The following CSMD1 variants were observed in gnomAD, a reference collection of about 807,000 sequenced individuals.
CSMD1 encodes CUB and sushi domain-containing protein 1.
CSMD1 carries 213 observed loss-of-function variants against 417.5 expected under a neutral mutation model. The observed-to-expected ratio is 0.51, with a 90% CI of 0.46 to 0.57. The LOEUF is 0.57. CSMD1 is among the 20% of genes least tolerant of loss of function. CSMD1 has a pLI of 0.00. For synonymous variants in CSMD1, 2,862 were observed against 1,736.8 expected (o/e 1.65, Z -16.11); for missense variants, 6,923 against 4,529.7 (o/e 1.53, Z -15.17).
intron 10 of CSMD1, among the ~76,000 whole-genome samples, chr8:3,569,345 C>T (rs943581738): frequency 1.3e-5 from 2 of 152,090 alleles, no homozygotes; most frequent in African/African-American, 4.8e-5. Context: ...AGGAGTTTTA[C>T]ATAAATACTT....
chr8:2,980,794 AC>A (rs1805340951), intron 54 of CSMD1, among the ~76,000 whole-genome samples: 1 of 152,234 alleles, frequency 6.6e-6, no homozygotes, highest in East Asian at 1.9e-4. Context: ...TTGCAACCTT[AC>A]ATTGCATTAG....
At chr8:3,305,634 C>T (rs74304347) in intron 25 of CSMD1, among the ~76,000 whole-genome samples, 5,558 of 152,054 alleles carry the variant, frequency 0.037, 231 homozygotes, top group Admixed American at 0.11. Flanking sequence ...CTTGGACTTC[C>T]CATCCTCCAG....
At chr8:3,683,243 A>T (rs1174054216) in intron 7 of CSMD1, among the ~76,000 whole-genome samples, 7 of 151,730 alleles carry the variant, frequency 4.6e-5, no homozygotes, top group Admixed American at 4.6e-4. Context: ...ATAAAAAATA[A>T]ATAAAAAAAT....
intron 10 of CSMD1, among the ~76,000 whole-genome samples, chr8:3,496,811 C>G (rs908642866): frequency 6.6e-6 from 1 of 152,120 alleles, no homozygotes; most frequent in Non-Finnish European, 1.5e-5. Context: ...ACCTGGGCAA[C>G]AGAGTGAGAC....
intron 3 of CSMD1, among the ~76,000 whole-genome samples, chr8:4,218,765 G>C (rs998654897): frequency 6.6e-6 from 1 of 152,124 alleles, no homozygotes; most frequent in African/African-American, 2.4e-5. Flanking sequence ...TCAGTCTCTT[G>C]ATTTGGTCCT....
intron 1 of CSMD1, among the ~76,000 whole-genome samples, chr8:4,780,414 G>A (rs896945956): frequency 3.5e-5 from 5 of 142,560 alleles, no homozygotes; most frequent in Admixed American, 6.9e-5. Flanking sequence ...TTGATCAGTC[G>A]ATCTGTCTGT....
chr8:3,255,969 G>A (rs1460711455), intron 26 of CSMD1, among the ~76,000 whole-genome samples: 1 of 152,162 alleles, frequency 6.6e-6, no homozygotes, highest in African/African-American at 2.4e-5. Context: ...CATGCTGGGA[G>A]CTGTAGACTG....
In CSMD1 at chr8:3,616,656, T is replaced by G. The variant is rs980649212; in HGVS notation, c.1097+54A>C. Reference sequence around the variant, plus strand: ...AGTTAAATTTAACTGCAAGCTGAAATAATATATGTCTTAAAAATAACATGC... The same window carrying G: ...AGTTAAATTTAACTGCAAGCTGAAAGAATATATGTCTTAAAAATAACATGC... On this transcript the variant is annotated intron_variant, in intron 8 of 69. Coordinates refer to ENST00000635120, the MANE Select transcript of CSMD1 (RefSeq NM_033225.6). The G allele has an allele frequency of 5.2e-6, 6 of 1,156,196 alleles. No homozygotes were observed. In the South Asian group the frequency reaches 6.6e-5, roughly 13 times the overall value. 71.6% of individuals were successfully genotyped at this position (1,156,196 alleles called of 1,614,324 possible).
At chr8:4,371,556 A>C (rs2128913120) in intron 3 of CSMD1, among the ~76,000 whole-genome samples, 1 of 152,238 alleles carries the variant, frequency 6.6e-6, no homozygotes, top group South Asian at 2.1e-4. Context: ...TTTTTAAAGC[A>C]ATGTATTATT....
intron 2 of CSMD1, among the ~76,000 whole-genome samples, chr8:4,469,753 G>T (rs1481230076): frequency 6.6e-6 from 1 of 152,114 alleles, no homozygotes; most frequent in Non-Finnish European, 1.5e-5. Context: ...GGCAATGGAA[G>T]GAGCCCTTGG....
intron 3 of CSMD1, among the ~76,000 whole-genome samples, chr8:4,079,807 G>C (rs541250044): frequency 3.9e-5 from 6 of 152,218 alleles, no homozygotes; most frequent in African/African-American, 1.4e-4. Context: ...GTAGCAGGGA[G>C]TGACATCACG....
chr8:4,838,463 C>T (rs531531752), intron 1 of CSMD1, among the ~76,000 whole-genome samples: 7,107 of 152,184 alleles, frequency 0.047, 579 homozygotes, highest in African/African-American at 0.16. Flanking sequence ...CAAGAAACTG[C>T]CCTGATGAAG....
At chr8:3,395,963 T>C (rs1319151129) in intron 17 of CSMD1, among the ~76,000 whole-genome samples, 3 of 152,242 alleles carry the variant, frequency 2.0e-5, no homozygotes, top group Non-Finnish European at 2.9e-5. Context: ...TTTATTATTT[T>C]ACTTTGTCAT....
chr8:4,047,332 C>T (rs544803445), intron 3 of CSMD1, among the ~76,000 whole-genome samples: 2 of 152,136 alleles, frequency 1.3e-5, no homozygotes, highest in Non-Finnish European at 2.9e-5. Context: ...ACAAAATGAT[C>T]TTCTACCCAA....
intron 10 of CSMD1, among the ~76,000 whole-genome samples, chr8:3,567,939 C>T (rs1298777166): frequency 6.6e-6 from 1 of 152,158 alleles, no homozygotes; most frequent in Non-Finnish European, 1.5e-5. Flanking sequence ...CCCATGGACG[C>T]CGGAGATGGA....
At chr8:4,072,556 T>C (rs578024822) in intron 3 of CSMD1, among the ~76,000 whole-genome samples, 2 of 152,198 alleles carry the variant, frequency 1.3e-5, no homozygotes, top group African/African-American at 4.8e-5. Context: ...ATTGTGCATA[T>C]TTTCATATAT....
chr8:3,557,949 G>C (rs1360281632), intron 10 of CSMD1, among the ~76,000 whole-genome samples: 5 of 152,196 alleles, frequency 3.3e-5, no homozygotes, highest in Non-Finnish European at 7.3e-5. Flanking sequence ...CAAAAACATT[G>C]TGGAATGTGT....
chr8:4,270,719 G>T (rs962535021), intron 3 of CSMD1, among the ~76,000 whole-genome samples: 2 of 152,158 alleles, frequency 1.3e-5, no homozygotes, highest in African/African-American at 4.8e-5. Context: ...TTTGTAATGT[G>T]AAAATAGAAA....
Position 3,425,825 on chromosome 8 carries a change from T to G in CSMD1, c.1562-16220A>C, listed in dbSNP as rs118007961. The stretch of plus-strand genomic sequence containing the variant: ...GCACCTTGATTCACGTATATTGACA[T>G]TGAGGTGAAGAACTATGACCTGTTA... On this transcript the variant is annotated intron_variant, in intron 12 of 69. Transcript: ENST00000635120. Among the ~76,000 whole-genome samples the G allele has an allele frequency of 7.5e-3, 1,143 of 152,238 alleles. 5 individuals are homozygous for G. Among genetic ancestry groups the G allele is most frequent in the Non-Finnish European group, 0.012 (827 of 68,014 alleles).
Sources: allele counts gnomAD v4.1 joint callset (sites outside exome capture counted in the v4.1 genomes callset), GRCh38; gene constraint gnomAD v4.1.1; transcripts MANE v1.5; gene names NCBI Gene and HGNC (gene_info 2026-07-23, HGNC 2026-07-21).